Variants in OPRD1 observed in about 807,000 individuals in gnomAD.
OPRD1 encodes delta-type opioid receptor.
A neutral mutation model predicts 17.5 loss-of-function variants in OPRD1; 19 were observed. That is an observed-to-expected ratio of 1.09 (90% CI 0.76 to 1.60). The LOEUF is 1.60. Ranked by LOEUF, OPRD1 falls within the 40% of genes most tolerant of loss-of-function variation. The probability of loss-of-function intolerance (pLI) is 0.00; values close to 1 mark genes in which losing one functional copy is unlikely to be tolerated. For missense variants in OPRD1, 483 were observed against 547.2 expected (o/e 0.88, Z 1.17); for synonymous variants, 256 against 240.9 (o/e 1.06, Z -0.58).
chr1:28,846,850 C>CTTTCTTTCTTTCTTTCT (rs1557575967), intron 1 of OPRD1, among the ~76,000 whole-genome samples: 115 of 38,248 alleles, frequency 3.0e-3, no homozygotes, highest in African/African-American at 8.6e-3. Flanking sequence ...TCTTTCTTTT[C>CTTTCTTTCTTTCTTTCT]TTTCTTTCTT....
chr1:28,843,289 AT>A (rs1196481245), intron 1 of OPRD1, among the ~76,000 whole-genome samples: 1 of 152,202 alleles, frequency 6.6e-6, no homozygotes, highest in Non-Finnish European at 1.5e-5. Context: ...TATACACAAC[AT>A]AAAAAATACC....
At chr1:28,862,423 C>A (rs1161895425) in intron 2 of OPRD1, among the ~76,000 whole-genome samples, 1 of 152,152 alleles carries the variant, frequency 6.6e-6, no homozygotes, top group Non-Finnish European at 1.5e-5. Context: ...TGAGTTACTG[C>A]AATGACTGGC....
At chr1:28,856,023 C>T (rs757483174) in intron 1 of OPRD1, among the ~76,000 whole-genome samples, 6 of 152,182 alleles carry the variant, frequency 3.9e-5, no homozygotes, top group Non-Finnish European at 5.9e-5. Context: ...GAGTTTATTC[C>T]GTCATTCAAA....
At chr1:28,846,717 A>C (rs1378633011) in intron 1 of OPRD1, among the ~76,000 whole-genome samples, 1 of 141,908 alleles carries the variant, frequency 7.0e-6, no homozygotes, top group East Asian at 2.3e-4. Context: ...AGAGAGAGAG[A>C]GCGAGCAAGC....
rs1200586737 is a variant in OPRD1, at chr1:28,863,169, G to A, written c.1005G>A (p.Lys335=). ...GCTGCTTCCGCCAGCTCTGCCGCAA[G>A]CCCTGCGGCCGCCCAGACCCCAGCA... ...FKRCFRQLCR[K]PCGRPDPSSF... is the part of the protein sequence containing the mutation. The change falls in exon 3 of 3, where the codon AAG becomes AAA. Residue 335 remains lysine (K), a synonymous_variant. Transcript: ENST00000234961. 6.2e-7 allele frequency: 1 copy of A among 1,601,206 alleles called. No homozygotes were observed. Among genetic ancestry groups the A allele is most frequent in the African/African-American group, 1.3e-5 (1 of 74,872 alleles).
At chr1:28,857,287 C>T (rs2147749261) in intron 1 of OPRD1, among the ~76,000 whole-genome samples, 2 of 152,232 alleles carry the variant, frequency 1.3e-5, no homozygotes, top group African/African-American at 2.4e-5. Flanking sequence ...CCTCTTTTTA[C>T]AGTTATGGAT....
intron 1 of OPRD1, among the ~76,000 whole-genome samples, chr1:28,845,981 C>T (rs2088938520): frequency 6.6e-6 from 1 of 152,184 alleles, no homozygotes; most frequent in Admixed American, 6.6e-5. Context: ...TTAAAGTCTT[C>T]AATGGCTTCC....
intron 2 of OPRD1, among the ~76,000 whole-genome samples, chr1:28,861,238 C>T (rs751568131): frequency 2.0e-5 from 3 of 152,116 alleles, no homozygotes; most frequent in Non-Finnish European, 4.4e-5. Context: ...TAAATCCTAG[C>T]ATTCCAAGAG....
intron 1 of OPRD1, among the ~76,000 whole-genome samples, chr1:28,829,397 C>T (rs937537614): frequency 6.6e-6 from 1 of 152,122 alleles, no homozygotes; most frequent in South Asian, 2.1e-4. Flanking sequence ...AAGACAGAGT[C>T]TTGCTCTGTT....
rs548401689 is a variant in OPRD1, at chr1:28,840,060, G to A, written c.228-18894G>A. 9.8e-5 allele frequency among the ~76,000 whole-genome samples: 15 copies of A among 152,292 alleles called. No individual in the cohort carries two copies. The East Asian group carries it at 2.7e-3, about 27-fold the overall frequency. ...CTCCTCTGAGCCTGGCCCTGTGCTG[G>A]GTGCTAGGTCCTGGGAGACAGCATG... On this transcript the variant is annotated intron_variant, in intron 1 of 2. Transcript: ENST00000234961.
At chr1:28,846,892 T>TTC (rs1209390555) in intron 1 of OPRD1, among the ~76,000 whole-genome samples, 1,593 of 51,752 alleles carry the variant, frequency 0.031, 33 homozygotes, top group African/African-American at 0.06. Context: ...CTTTCTTTCT[T>TTC]TTCTCTTTCT....
chr1:28,812,392 G>T lies in OPRD1; in HGVS notation c.9G>T (p.Pro3=), dbSNP rs372941893. The change falls in exon 1 of 3, where the codon CCG becomes CCT. Residue 3 remains proline (P), a synonymous_variant. Transcript: ENST00000234961. The part of the protein sequence containing the change: ME[P]APSAGAELQP... ...GGAGCCGGCCGGCAGCCATGGAACCGGCCCCCTCCGCCGGCGCCGAGCTGC... is the reference window on the plus strand; with the variant it reads ...GGAGCCGGCCGGCAGCCATGGAACCTGCCCCCTCCGCCGGCGCCGAGCTGC... 274 of 1,427,396 alleles carry T rather than the reference G, an allele frequency of 1.9e-4. 1 individual carries two copies. The African/African-American group carries it at 3.8e-3, about 20-fold the overall frequency. 88.4% of individuals were successfully genotyped at this position (1,427,396 alleles called of 1,614,324 possible). A position where few individuals can be genotyped will look rare whatever the true frequency, so the allele number is the denominator to read the frequency against.
At chr1:28,821,940 A>T (rs1569605348) in intron 1 of OPRD1, among the ~76,000 whole-genome samples, 1 of 147,660 alleles carries the variant, frequency 6.8e-6, no homozygotes, top group East Asian at 2.0e-4. Context: ...GTTTGCGCAC[A>T]TCTCATTATT....
intron 1 of OPRD1, among the ~76,000 whole-genome samples, chr1:28,832,513 A>G (rs2088816631): frequency 6.6e-6 from 1 of 152,018 alleles, no homozygotes; most frequent in Non-Finnish European, 1.5e-5. Flanking sequence ...ACTTCTTGGG[A>G]GGCTGAGGTG....
chr1:28,830,760 T>G (rs2088802232), intron 1 of OPRD1, among the ~76,000 whole-genome samples: 1 of 152,188 alleles, frequency 6.6e-6, no homozygotes, highest in South Asian at 2.1e-4. Flanking sequence ...TACCTGTATA[T>G]GGAGAGGTCA....
chr1:28,850,177 G>C (rs934744524), intron 1 of OPRD1, among the ~76,000 whole-genome samples: 8 of 150,660 alleles, frequency 5.3e-5, no homozygotes, highest in Non-Finnish European at 8.9e-5. Context: ...ACGGCGCCCA[G>C]CTGAGAGTCA....
intron 1 of OPRD1, among the ~76,000 whole-genome samples, chr1:28,824,313 C>CTTTTTTTTTTTT (rs58074384): frequency 9.1e-6 from 1 of 109,782 alleles, no homozygotes; most frequent in African/African-American, 3.7e-5. Context: ...TTTCTTTTTT[C>CTTTTTTTTTTTT]TTTTTTTTTT....
At chr1:28,817,861 C>T (rs1393819412) in intron 1 of OPRD1, among the ~76,000 whole-genome samples, 4 of 148,348 alleles carry the variant, frequency 2.7e-5, no homozygotes, top group African/African-American at 5.0e-5. Context: ...CTCGCCACCA[C>T]GCCCAACTAG....
intron 1 of OPRD1, among the ~76,000 whole-genome samples, chr1:28,820,674 A>T (rs931059362): frequency 1.3e-5 from 2 of 152,090 alleles, no homozygotes; most frequent in Non-Finnish European, 1.5e-5. Context: ...AAAAAATTAA[A>T]AAGTTAGCTG....
Sources: allele counts gnomAD v4.1 joint callset (sites outside exome capture counted in the v4.1 genomes callset), GRCh38; gene constraint gnomAD v4.1.1; transcripts MANE v1.5; gene names NCBI Gene and HGNC (gene_info 2026-07-23, HGNC 2026-07-21).